The following ACSL6 variants were observed in gnomAD, a reference collection of about 807,000 sequenced individuals.
ACSL6 encodes the protein long-chain-fatty-acid--CoA ligase 6.
A neutral mutation model predicts 98.2 loss-of-function variants in ACSL6; 47 were observed. The ratio of observed to expected loss-of-function variants is 0.48; its 90% CI spans 0.38 to 0.61. ACSL6 has a LOEUF of 0.61. Ranked by LOEUF, ACSL6 falls within the 20% of genes least tolerant of loss-of-function variation. The probability of loss-of-function intolerance (pLI) is 0.00; values close to 1 mark genes in which losing one functional copy is unlikely to be tolerated. For synonymous variants in ACSL6, 362 were observed against 336.9 expected (o/e 1.07, Z -0.82); for missense variants, 761 against 913.4 (o/e 0.83, Z 2.15).
At chr5:131,981,321 T>TC (rs1753877193) in intron 9 of ACSL6, among the ~76,000 whole-genome samples, 3 of 115,460 alleles carry the variant, frequency 2.6e-5, no homozygotes, top group African/African-American at 1.3e-4. Flanking sequence ...TAGTCAACTA[T>TC]TAAAAAAAAA....
chr5:131,990,062 A>G, intron 4 of ACSL6, 38 bp downstream of exon 4: 1 of 1,608,084 alleles, frequency 6.2e-7, no homozygotes, highest in Non-Finnish European at 8.5e-7. Context: ...CCAGATCTGA[A>G]TGGGTGGCCA....
rs1409979635 is a variant in ACSL6, at chr5:131,971,653, A to G, written c.1339-8T>C. 1 of 1,594,388 alleles carries G rather than the reference A, an allele frequency of 6.3e-7. No individual in the cohort carries two copies. The highest frequency in any genetic ancestry group is 8.5e-7 in the Non-Finnish European group (1 of 1,169,602). ...ACACCCACCAAGACTGGCCTGTGGG[A>G]AGAAAGAAGAGCTGCCAAATTTTGT... On this transcript the variant is annotated splice_polypyrimidine_tract_variant and splice_region_variant and intron_variant, in intron 13 of 20. Transcript: ENST00000651883.
intron 15 of ACSL6, among the ~76,000 whole-genome samples, chr5:131,969,342 T>C (rs926599256): frequency 3.9e-5 from 6 of 152,240 alleles, no homozygotes; most frequent in Non-Finnish European, 8.8e-5. Context: ...ATTTTTTCCT[T>C]AGTCCTGTCT....
At chr5:131,956,690 C>G (rs183870562) in intron 20 of ACSL6, among the ~76,000 whole-genome samples, 263 of 152,262 alleles carry the variant, frequency 1.7e-3, no homozygotes, top group African/African-American at 4.5e-3. Context: ...GGCCACAAAC[C>G]TATAGTTTTT....
At chr5:131,999,296 G>T (rs1754948588) in intron 1 of ACSL6, 1 of 152,262 alleles carries the variant, frequency 6.6e-6, no homozygotes, top group South Asian at 2.1e-4. Context: ...TGCAGTGCCA[G>T]GCATGTAGTA....
chr5:131,965,574 T>C (rs62384096), intron 17 of ACSL6, among the ~76,000 whole-genome samples: 1 of 152,010 alleles, frequency 6.6e-6, no homozygotes, highest in Non-Finnish European at 1.5e-5. Context: ...ACAAAAAAGT[T>C]AGCCAGATGG....
intron 3 of ACSL6, 50 bp from the exon 4 acceptor site, chr5:131,990,214 T>C (rs1169965461): frequency 6.3e-7 from 1 of 1,589,856 alleles, no homozygotes; most frequent in Admixed American, 1.7e-5. Context: ...AGAGTGGGTG[T>C]GCCACCTGCA....
Position 131,986,781 on chromosome 5 carries a change from G to A in ACSL6, c.864+41C>T, listed in dbSNP as rs199975229. ...GACTCTGTGAGGACAGGCCCTGCAC[G>A]CCATCTCGCTCAATAAAGACCTGCA... On this transcript the variant is annotated intron_variant, in intron 8 of 20. Transcript: ENST00000651883. 92 of 1,612,716 alleles carry A rather than the reference G, an allele frequency of 5.7e-5. No homozygotes were observed. The Admixed American group carries it at 1.4e-3, about 25-fold the overall frequency.
chr5:131,974,790 G>A (rs1463964738), intron 11 of ACSL6, 103 bp downstream of exon 11: 6 of 1,612,216 alleles, frequency 3.7e-6, no homozygotes, highest in African/African-American at 1.3e-5. Context: ...TGTGCTAAAG[G>A]CAAATAGGAA....
At chr5:131,982,510 G>A (rs1753959851) in intron 9 of ACSL6, 1 of 152,266 alleles carries the variant, frequency 6.6e-6, no homozygotes. Context: ...CTTAACCACA[G>A]ACGACACTGA....
chr5:132,011,525 C>T lies in ACSL6; in HGVS notation c.29G>A (p.Gly10Asp). 1.2e-6 allele frequency: 2 copies of T among 1,604,492 alleles called. No individual in the cohort carries two copies. The highest frequency in any genetic ancestry group is 2.3e-5 in the East Asian group (1 of 43,356). MLTFFLVSGGSLWLFVEFVL... is the reference protein window; with the variant it reads MLTFFLVSGDSLWLFVEFVL... ...CTTACCTACGAATAGCCAGAGGGAG[C>T]CCCCCGACACGAGGAAGAAGGTCAG... is the stretch of plus-strand genomic sequence containing the variant. The change falls in exon 1 of 21, where the codon GGC becomes GAC. Residue 10 changes from glycine (G) to aspartate (D), a missense_variant. By Grantham distance (94) the Gly-to-Asp change is moderately conservative. Coordinates refer to ENST00000651883, the MANE Select transcript of ACSL6 (RefSeq NM_001009185.3). This position sits in a 1 kb window ranked among gnomAD's most constrained non-coding sequence, Gnocchi z 5.4.
At chr5:131,971,518 T>C (rs759555628) in intron 14 of ACSL6, 32 bp downstream of exon 14, 2 of 1,553,922 alleles carry the variant, frequency 1.3e-6, no homozygotes, top group African/African-American at 2.7e-5. Context: ...AACTTCCTGC[T>C]GTTTCCAAGG....
Position 131,990,834 on chromosome 5 carries a change from C to G in ACSL6, c.385+19G>C, listed in dbSNP as rs1009666300. 6.2e-7 allele frequency: 1 copy of G among 1,611,238 alleles called. No individual in the cohort carries two copies. The highest frequency in any genetic ancestry group is 1.7e-5 in the Admixed American group (1 of 59,992). On this transcript the variant is annotated intron_variant, in intron 3 of 20. Coordinates refer to ENST00000651883, the MANE Select transcript of ACSL6 (RefSeq NM_001009185.3). ...CTGCCACACAGCCCCTCCACACCCC[C>G]CCCCACAACCCTTCTCACCTGAGAT...
intron 17 of ACSL6, 53 bp from the exon 18 acceptor site, chr5:131,962,731 C>T (rs1752777967): frequency 1.3e-6 from 2 of 1,599,796 alleles, no homozygotes; most frequent in Non-Finnish European, 1.7e-6. Context: ...CAAGCCTGAA[C>T]CTTTGCTCCT....
At position 132,011,595 on chromosome 5, in the gene ACSL6, G is replaced by C; in HGVS notation, c.-42C>G. On this transcript the variant is annotated 5_prime_UTR_variant, in exon 1 of 21. Transcript: ENST00000651883. The surrounding 1 kb of genome is among the most constrained non-coding windows in gnomAD (Gnocchi z 5.4). ...CGGCCCGGCCCGGCCCGGCCTCCCCGACCCGCAGCCCCGCAGCCCCGCAGC... is the reference window on the plus strand; with the variant it reads ...CGGCCCGGCCCGGCCCGGCCTCCCCCACCCGCAGCCCCGCAGCCCCGCAGC... 6.8e-7 allele frequency: 1 copy of C among 1,463,150 alleles called. No homozygotes were observed. Among genetic ancestry groups the C allele is most frequent in the Admixed American group, 2.6e-5 (1 of 38,184 alleles). 90.6% of individuals were successfully genotyped at this position (1,463,150 alleles called of 1,614,324 possible).
At chr5:131,959,844 T>C in intron 19 of ACSL6, 2 of 485,944 alleles carry the variant, frequency 4.1e-6, no homozygotes, top group East Asian at 7.2e-5. Context: ...GACCACTCAA[T>C]TTTTTTTTAA....
Position 131,973,285 on chromosome 5 carries a change from A to G in ACSL6, c.1184T>C (p.Leu395Pro). 6.2e-7 allele frequency: 1 copy of G among 1,614,158 alleles called. No individual in the cohort carries two copies. The highest frequency in any genetic ancestry group is 1.3e-5 in the African/African-American group (1 of 75,066). The change falls in exon 12 of 21, where the codon CTG (leucine) becomes CCG (proline). Residue 395 changes from leucine (L) to proline (P), a missense_variant. Leu to Pro is a moderately conservative substitution (Grantham distance 98). Transcript: ENST00000651883. ...PTIFPVVPRLLNRMYDKIFSQ... is the reference protein window; with the variant it reads ...PTIFPVVPRLPNRMYDKIFSQ... The stretch of plus-strand genomic sequence containing the variant: ...ACTTACCTTGTCGTACATCCGGTTC[A>G]GCAGTCGTGGGACCACAGGGAAGAT...
chr5:131,995,322 G>C (rs988783519), intron 1 of ACSL6, among the ~76,000 whole-genome samples: 9 of 152,188 alleles, frequency 5.9e-5, no homozygotes, highest in Non-Finnish European at 2.9e-5. Context: ...TTGGCTCAAG[G>C]GTTCTGTACC....
chr5:131,962,399 C>T, intron 18 of ACSL6, 136 bp downstream of exon 18: 1 of 1,027,114 alleles, frequency 9.7e-7, no homozygotes, highest in Non-Finnish European at 1.4e-6. Context: ...AGTAAGATTT[C>T]TCCTTTAAAA....
Sources: allele counts gnomAD v4.1 joint callset (sites outside exome capture counted in the v4.1 genomes callset), GRCh38; gene constraint gnomAD v4.1.1; non-coding constraint Gnocchi (gnomAD v3.1); transcripts MANE v1.5; gene names NCBI Gene and HGNC (gene_info 2026-07-23, HGNC 2026-07-21).